TNFAIP8: variants seen among roughly 807,000 people sequenced by gnomAD.
TNFAIP8 encodes tumor necrosis factor alpha-induced protein 8.
In TNFAIP8, 7 loss-of-function variants were observed where a neutral mutation model predicts 13.3. That is an observed-to-expected ratio of 0.52 (90% confidence interval 0.30 to 0.99). The LOEUF is 0.99. Among genes scored for constraint, TNFAIP8 ranks in the 50% least tolerant of loss-of-function variants. TNFAIP8 has a pLI of 0.07. For missense variants in TNFAIP8, 258 were observed against 236.9 expected (o/e 1.09, Z -0.58); for synonymous variants, 94 against 87.6 (o/e 1.07, Z -0.41).
chr5:119,372,465 TATA>T (rs1211068340), intron 1 of TNFAIP8, among the ~76,000 whole-genome samples: 3 of 152,162 alleles, frequency 2.0e-5, no homozygotes, highest in Non-Finnish European at 4.4e-5. Context: ...TGATCAATAA[TATA>T]ATATTTTCCA....
At chr5:119,306,020 C>A (rs1749541618) in intron 1 of TNFAIP8, among the ~76,000 whole-genome samples, 1 of 152,198 alleles carries the variant, frequency 6.6e-6, no homozygotes, top group South Asian at 2.1e-4. Context: ...TGCCCTCAAC[C>A]CCGCTGCCCA....
chr5:119,297,532 G>A (rs1428707717), intron 1 of TNFAIP8, among the ~76,000 whole-genome samples: 1 of 152,002 alleles, frequency 6.6e-6, no homozygotes, highest in African/African-American at 2.4e-5. Flanking sequence ...CCAACTATGT[G>A]GTCAATTTTG....
At chr5:119,334,819 A>G (rs1581613785) in intron 1 of TNFAIP8, among the ~76,000 whole-genome samples, 4 of 152,220 alleles carry the variant, frequency 2.6e-5, no homozygotes. Context: ...TTGCATATAT[A>G]GAGTTGAGAT....
chr5:119,394,244 A>C lies in TNFAIP8; in HGVS notation c.*863A>C, dbSNP rs1039182439. The C allele has an allele frequency of 7.9e-5, 12 of 152,346 alleles. No homozygotes were observed. The highest frequency in any genetic ancestry group is 2.9e-4 in the African/African-American group (12 of 41,582). 9.4% of individuals were successfully genotyped at this position (152,346 alleles called of 1,614,324 possible). On this transcript the variant is annotated 3_prime_UTR_variant, in exon 2 of 2. Coordinates refer to ENST00000504771, the MANE Select transcript of TNFAIP8 (RefSeq NM_014350.4). ...AGCATTAAGAAAGGTAACAATCTTC[A>C]TTCTACAGATGAACTCATTGAAACA...
intron 1 of TNFAIP8, among the ~76,000 whole-genome samples, chr5:119,276,667 G>A (rs1748459310): frequency 6.6e-6 from 1 of 152,108 alleles, no homozygotes; most frequent in Non-Finnish European, 1.5e-5. Flanking sequence ...ACATTTCTCT[G>A]TGCACAACCC....
chr5:119,369,093 A>C (rs1177905302), intron 1 of TNFAIP8, among the ~76,000 whole-genome samples: 2 of 130,646 alleles, frequency 1.5e-5, no homozygotes, highest in African/African-American at 6.2e-5. Flanking sequence ...TTGCTGTGTT[A>C]CCCAGGCTGG....
At chr5:119,330,279 G>A (rs1342882803) in intron 1 of TNFAIP8, among the ~76,000 whole-genome samples, 1 of 152,176 alleles carries the variant, frequency 6.6e-6, no homozygotes, top group East Asian at 1.9e-4. Context: ...TAAAGGCCAA[G>A]GTGTTTTGTA....
chr5:119,369,142 C>T (rs1751981787), intron 1 of TNFAIP8, among the ~76,000 whole-genome samples: 1 of 151,194 alleles, frequency 6.6e-6, no homozygotes, highest in Non-Finnish European at 1.5e-5. Context: ...CAACCTCTGC[C>T]TCCCAGGTTC....
At chr5:119,335,249 T>C (rs1750516205) in intron 1 of TNFAIP8, among the ~76,000 whole-genome samples, 1 of 152,132 alleles carries the variant, frequency 6.6e-6, no homozygotes, top group Non-Finnish European at 1.5e-5. Flanking sequence ...ATCCTGGCAA[T>C]AGGGAAACGT....
chr5:119,331,820 T>A (rs556508578), intron 1 of TNFAIP8, among the ~76,000 whole-genome samples: 4 of 152,294 alleles, frequency 2.6e-5, no homozygotes, highest in South Asian at 2.1e-4. Flanking sequence ...TGAGGTCACA[T>A]TTTAGGGAAA....
intron 1 of TNFAIP8, among the ~76,000 whole-genome samples, chr5:119,349,432 A>C (rs1472878856): frequency 6.6e-6 from 1 of 152,250 alleles, no homozygotes; most frequent in Non-Finnish European, 1.5e-5. Flanking sequence ...AGAGAGGTTA[A>C]ATGACTTTGC....
At chr5:119,360,016 G>C (rs998564787) in intron 1 of TNFAIP8, among the ~76,000 whole-genome samples, 1 of 152,226 alleles carries the variant, frequency 6.6e-6, no homozygotes, top group Admixed American at 6.5e-5. Flanking sequence ...GACATCACTT[G>C]ATAACTTGGC....
chr5:119,294,235 C>T (rs1749091859), intron 1 of TNFAIP8, among the ~76,000 whole-genome samples: 1 of 148,842 alleles, frequency 6.7e-6, no homozygotes, highest in Non-Finnish European at 1.5e-5. Flanking sequence ...TGTGATGTTC[C>T]CCTTCCCGTG....
chr5:119,383,724 G>A (rs1752571625), intron 1 of TNFAIP8, among the ~76,000 whole-genome samples: 1 of 152,228 alleles, frequency 6.6e-6, no homozygotes, highest in Non-Finnish European at 1.5e-5. Flanking sequence ...GGCAAGGGTT[G>A]AGGGTCAGAA....
chr5:119,349,158 T>C (rs1751028208), intron 1 of TNFAIP8, among the ~76,000 whole-genome samples: 1 of 152,186 alleles, frequency 6.6e-6, no homozygotes, highest in African/African-American at 2.4e-5. Flanking sequence ...CCCTTTTGTT[T>C]TCCTTTTCCA....
chr5:119,277,385 CAA>C (rs1040448692), intron 1 of TNFAIP8, among the ~76,000 whole-genome samples: 7 of 152,036 alleles, frequency 4.6e-5, no homozygotes, highest in African/African-American at 1.7e-4. Context: ...AGTGTAGACA[CAA>C]GTTTCCATCA....
At position 119,393,846 on chromosome 5, in the gene TNFAIP8, C is replaced by CAAA. The variant is rs1752995782; in HGVS notation, c.*466_*467insAAA. 2 of 158,128 alleles carry CAAA rather than the reference C, an allele frequency of 1.3e-5. No homozygotes were observed. The highest frequency in any genetic ancestry group is 2.8e-5 in the Non-Finnish European group (2 of 71,240). The allele number at this position is 158,128 out of a possible 1,614,324, so 9.8% of individuals were successfully genotyped here. ...GCTCCTTTTGAAACAATTCAATTTT[C>CAAA]ATGTCTACAGCTGACTGTTTTGTTA... On this transcript the variant is annotated 3_prime_UTR_variant, in exon 2 of 2. Coordinates refer to ENST00000504771, the MANE Select transcript of TNFAIP8 (RefSeq NM_014350.4).
At chr5:119,277,923 A>G (rs2150802155) in intron 1 of TNFAIP8, among the ~76,000 whole-genome samples, 1 of 152,208 alleles carries the variant, frequency 6.6e-6, no homozygotes, top group South Asian at 2.1e-4. Flanking sequence ...TTGTAAAAGC[A>G]CTAATCCACT....
intron 1 of TNFAIP8, among the ~76,000 whole-genome samples, chr5:119,278,937 A>G (rs534057051): frequency 1.3e-5 from 2 of 152,296 alleles, no homozygotes; most frequent in East Asian, 3.9e-4. Context: ...ATAAAATAGC[A>G]CTACTTACTT....
Sources: gnomAD v4.1 joint callset for allele counts (sites outside exome capture counted in the v4.1 genomes callset) on GRCh38, gnomAD v4.1.1 for gene constraint, MANE v1.5 for transcripts, NCBI Gene and HGNC (gene_info 2026-07-23, HGNC 2026-07-21) for gene names.